Variants in MNDA observed in about 807,000 individuals in gnomAD.
The protein encoded by MNDA is epididymis secretory sperm binding protein.
MNDA carries 43 observed loss-of-function variants against 37.8 expected under a neutral mutation model. The ratio of observed to expected loss-of-function variants is 1.14; its 90% confidence interval spans 0.89 to 1.47. The LOEUF (loss-of-function observed/expected upper bound fraction) is 1.47, where lower values mean the gene tolerates loss of function less well. Among genes scored for constraint, MNDA ranks in the 40% most tolerant of loss-of-function variants. The probability of loss-of-function intolerance (pLI) is 0.00; values close to 1 mark genes in which losing one functional copy is unlikely to be tolerated. For synonymous variants in MNDA, 181 were observed against 169.0 expected (o/e 1.07, Z -0.55); for missense variants, 536 against 476.0 (o/e 1.13, Z -1.17).
intron 4 of MNDA, 59 bp from the exon 5 acceptor site, chr1:158,845,528 C>G: frequency 6.5e-7 from 1 of 1,527,160 alleles, no homozygotes; most frequent in Non-Finnish European, 8.8e-7. Flanking sequence ...GCGTGAGCCA[C>G]CGCGCCCGGC....
At position 158,849,266 on chromosome 1, in the gene MNDA, CT is replaced by C; in HGVS notation, c.*31del. 1 of 1,594,644 alleles carries C rather than the reference CT, an allele frequency of 6.3e-7. No individual in the cohort carries two copies. Among genetic ancestry groups the C allele is most frequent in the Non-Finnish European group, 8.6e-7 (1 of 1,167,102 alleles). On this transcript the variant is annotated 3_prime_UTR_variant, in exon 7 of 7. Coordinates refer to ENST00000368141, the MANE Select transcript of MNDA (RefSeq NM_002432.3). ...ATGAAAGCTGAAATGCAACAAACAA[CT>C]TCCGCTTAAAACAATTAAGTTGTTA...
chr1:158,844,167 C>G, intron 4 of MNDA, 45 bp downstream of exon 4: 1 of 1,429,074 alleles, frequency 7.0e-7, no homozygotes, highest in Non-Finnish European at 9.4e-7. Flanking sequence ...TTAACCCAGT[C>G]ACAGTGCATT....
At chr1:158,832,852 A>T (rs1658831850) in intron 1 of MNDA, among the ~76,000 whole-genome samples, 1 of 151,834 alleles carries the variant, frequency 6.6e-6, no homozygotes, top group Non-Finnish European at 1.5e-5. Flanking sequence ...CAAATTGAAA[A>T]TTTTTCCTCC....
chr1:158,847,491 G>A (rs1048040893), intron 5 of MNDA, among the ~76,000 whole-genome samples: 2 of 151,490 alleles, frequency 1.3e-5, no homozygotes, highest in Admixed American at 1.3e-4. Context: ...GGTAGCAGGA[G>A]AAAAAGAGGG....
chr1:158,842,316 A>G lies in MNDA; in HGVS notation c.163A>G (p.Lys55Glu). 5 of 1,614,192 alleles carry G rather than the reference A, an allele frequency of 3.1e-6. No homozygotes were observed. The highest frequency in any genetic ancestry group is 4.2e-6 in the Non-Finnish European group (5 of 1,180,006). Residue 55 changes from lysine to glutamate, a missense_variant, in exon 2 of 7, where the codon AAG becomes GAG. Lys to Glu is a moderately conservative substitution (Grantham distance 56). Transcript: ENST00000368141. ...RIKITDLMEK[K>E]FQGVACLDKL... ...TAAGATTACAGATTTGATGGAAAAA[A>G]AGTTCCAAGGCGTTGCCTGTCTAGA... is the stretch of plus-strand genomic sequence containing the variant.
intron 1 of MNDA, among the ~76,000 whole-genome samples, chr1:158,832,643 A>G (rs1437083300): frequency 2.0e-5 from 3 of 151,600 alleles, no homozygotes; most frequent in Non-Finnish European, 4.4e-5. Flanking sequence ...CAAGTTGCAT[A>G]CTTTACCATT....
At chr1:158,842,023 C>A in intron 1 of MNDA, 111 bp from the exon 2 acceptor site, 1 of 828,466 alleles carries the variant, frequency 1.2e-6, no homozygotes, top group Non-Finnish European at 1.9e-6. Context: ...TTTTCTTATA[C>A]GCATCCAAGG....
intron 1 of MNDA, among the ~76,000 whole-genome samples, chr1:158,835,981 T>C (rs1029616987): frequency 6.6e-6 from 1 of 151,988 alleles, no homozygotes; most frequent in African/African-American, 2.4e-5. Context: ...TTTTTCCTCA[T>C]CTTTCAGGAA....
intron 4 of MNDA, among the ~76,000 whole-genome samples, chr1:158,845,255 T>A (rs182800856): frequency 2.0e-5 from 3 of 149,336 alleles, no homozygotes; most frequent in African/African-American, 7.4e-5. Context: ...TGTTTGTTTT[T>A]GAGACGGAGT....
rs371223975 is a variant in MNDA, at chr1:158,845,654, C to G, written c.638C>G (p.Thr213Arg). 5.0e-6 allele frequency: 8 copies of G among 1,614,044 alleles called. No homozygotes were observed. Among genetic ancestry groups the G allele is most frequent in the Non-Finnish European group, 6.8e-6 (8 of 1,179,946 alleles). The change falls in exon 5 of 7, where the codon ACA (threonine) becomes AGA (arginine). Residue 213 changes from threonine to arginine, a missense_variant. Coordinates refer to ENST00000368141, the MANE Select transcript of MNDA (RefSeq NM_002432.3). ...AATGTTCCCCAAAACGACCCAGTGA[C>G]AGTGGTGGTACTGAAAGCAACAGCG... ...RRNVPQNDPV[T>R]VVVLKATAPF...
intron 5 of MNDA, among the ~76,000 whole-genome samples, chr1:158,846,268 C>T (rs1163268962): frequency 6.6e-6 from 1 of 152,202 alleles, no homozygotes; most frequent in Non-Finnish European, 1.5e-5. Context: ...TAGGACAATA[C>T]AGGGTCCAAA....
chr1:158,847,076 T>C (rs1327263834), intron 5 of MNDA, among the ~76,000 whole-genome samples: 1 of 152,204 alleles, frequency 6.6e-6, no homozygotes, highest in Non-Finnish European at 1.5e-5. Flanking sequence ...AAATATTGTA[T>C]GTTCTCACTT....
chr1:158,843,404 C>T lies in MNDA; in HGVS notation c.391C>T (p.Pro131Ser), dbSNP rs752324581. ...KLTSEARGRIPVAQKRKTPNK... is the reference protein window; with the variant it reads ...KLTSEARGRISVAQKRKTPNK... ...GACATCGGAAGCAAGAGGGAGGATT[C>T]CTGTAGCTCAGGTAAGCTTGAGAAA... The change falls in exon 3 of 7, where the codon CCT becomes TCT. Residue 131 changes from proline (P) to serine (S), a missense_variant. Physicochemically the swap from Pro to Ser is moderately conservative, Grantham distance 74. Transcript: ENST00000368141. 2 of 1,608,098 alleles carry T rather than the reference C, an allele frequency of 1.2e-6. No homozygotes were observed. Among genetic ancestry groups the T allele is most frequent in the Non-Finnish European group, 1.7e-6 (2 of 1,177,366 alleles).
chr1:158,847,665 T>C, intron 5 of MNDA, 63 bp from the exon 6 acceptor site: 1 of 1,470,774 alleles, frequency 6.8e-7, no homozygotes, highest in Non-Finnish European at 9.3e-7. Context: ...GTCATGAGAC[T>C]CTTTCTCATC....
intron 1 of MNDA, among the ~76,000 whole-genome samples, chr1:158,836,500 G>A (rs1658916737): frequency 6.6e-6 from 1 of 151,708 alleles, no homozygotes; most frequent in South Asian, 2.1e-4. Flanking sequence ...ATTTCATTTA[G>A]GTTATCCCAC....
At position 158,847,914 on chromosome 1, in the gene MNDA, A is replaced by G. The variant is rs1659173117; in HGVS notation, c.1174A>G (p.Lys392Glu). 6.2e-7 allele frequency: 1 copy of G among 1,613,414 alleles called. No homozygotes were observed. The highest frequency in any genetic ancestry group is 8.5e-7 in the Non-Finnish European group (1 of 1,179,554). ...KLVCGSHSFI[K>E]VIKAKKNKEG... ...GGTGTGTGGAAGTCACAGCTTCATC[A>G]AGGTGGGAACTGGATAGAGGAGAAT... is the stretch of plus-strand genomic sequence containing the variant. The change falls in exon 6 of 7, where the codon AAG becomes GAG. Residue 392 changes from lysine to glutamate, a missense_variant and splice_region_variant. Transcript: ENST00000368141.
rs544255011 is a variant in MNDA at position 158,842,907 on chromosome 1, T to C, written c.266-372T>C. On this transcript the variant is annotated intron_variant, in intron 2 of 6. Transcript: ENST00000368141. ...TCCTTTCAGGTCATATTTCTGTCAT[T>C]TGAACAGATATTGCACAGAACATGA... Among the ~76,000 whole-genome samples, 80 of 152,304 alleles carry C rather than the reference T, an allele frequency of 5.3e-4. 2 individuals carry two copies. The South Asian group carries it at 0.012, about 22-fold the overall frequency.
rs562131738 is a variant in MNDA, at chr1:158,842,234, C to G, written c.81C>G (p.Ser27=). ...ATTATCATTTTACATCAATTAAGTCCTTACTGGCCTATGATTTAGGACTAA... is the reference window on the plus strand; with the variant it reads ...ATTATCATTTTACATCAATTAAGTCGTTACTGGCCTATGATTTAGGACTAA... ...MDDYHFTSIK[S]LLAYDLGLTT... is the part of the protein sequence containing the mutation. The change falls in exon 2 of 7, where the codon TCC becomes TCG. Residue 27 remains serine (S), a synonymous_variant. Coordinates refer to ENST00000368141, the MANE Select transcript of MNDA (RefSeq NM_002432.3). 1 of 1,613,868 alleles carries G rather than the reference C, an allele frequency of 6.2e-7. No homozygotes were observed. The highest frequency in any genetic ancestry group is 1.3e-5 in the African/African-American group (1 of 75,002).
At chr1:158,841,834 T>C (rs1256149276) in intron 1 of MNDA, among the ~76,000 whole-genome samples, 1 of 152,162 alleles carries the variant, frequency 6.6e-6, no homozygotes, top group Non-Finnish European at 1.5e-5. Flanking sequence ...CCAGGGACTT[T>C]GACACCACAA....
Sources: allele counts gnomAD v4.1 joint callset (sites outside exome capture counted in the v4.1 genomes callset), GRCh38; gene constraint gnomAD v4.1.1; transcripts MANE v1.5; gene names NCBI Gene and HGNC (gene_info 2026-07-23, HGNC 2026-07-21).